The following ADCY2 variants were observed in gnomAD, a reference collection of about 807,000 sequenced individuals.
ADCY2 encodes adenylate cyclase type 2.
ADCY2 carries 31 observed loss-of-function variants against 125.2 expected under a neutral mutation model. The ratio of observed to expected loss-of-function variants is 0.25; its 90% CI spans 0.19 to 0.33. ADCY2 has a LOEUF of 0.33. Among genes scored for constraint, ADCY2 ranks in the 10% least tolerant of loss-of-function variants. ADCY2 has a pLI of 1.00. For synonymous variants in ADCY2, 512 were observed against 548.4 expected (o/e 0.93, Z 0.93); for missense variants, 904 against 1,418.2 (o/e 0.64, Z 5.82).
intron 15 of ADCY2, 83 bp from the exon 16 acceptor site, chr5:7,757,366 G>T: frequency 2.6e-6 from 4 of 1,521,920 alleles, no homozygotes; most frequent in Non-Finnish European, 3.6e-6. Context: ...GGTGCTTCTT[G>T]TGGTTGTAAA....
intron 4 of ADCY2, among the ~76,000 whole-genome samples, chr5:7,639,491 A>G (rs1738621040): frequency 6.6e-6 from 1 of 152,174 alleles, no homozygotes; most frequent in African/African-American, 2.4e-5. Context: ...ATTAGTTATT[A>G]TCAGTAGTCC....
chr5:7,505,095 G>A (rs1431564451), intron 2 of ADCY2, among the ~76,000 whole-genome samples: 1 of 151,862 alleles, frequency 6.6e-6, no homozygotes, highest in Non-Finnish European at 1.5e-5. Flanking sequence ...TATTACCCAG[G>A]CTGGTCTCGA....
chr5:7,440,484 A>G lies in ADCY2; in HGVS notation c.408+25714A>G, dbSNP rs867335246. On this transcript the variant is annotated intron_variant, in intron 2 of 24. Transcript: ENST00000338316. The stretch of plus-strand genomic sequence containing the variant: ...TTGAAACATGCATTTTTGCAGATGA[A>G]TGATTAACAGGACCTATTTTATCCT... Among the ~76,000 whole-genome samples the G allele has an allele frequency of 1.4e-4, 21 of 152,318 alleles. 1 individual carries two copies. The highest frequency in any genetic ancestry group is 3.4e-3 in the Middle Eastern group (1 of 294).
Position 7,506,789 on chromosome 5 carries a change from C to CTTTTTTTT in ADCY2, c.409-13927_409-13920dup, listed in dbSNP as rs70940743. On this transcript the variant is annotated intron_variant, in intron 2 of 24. Transcript: ENST00000338316. ...AGGGGTAAATGTGTGATGCGTTGCT[C>CTTTTTTTT]TTTTTTTTTTTTTTTTTTTTTTTTT... is the stretch of plus-strand genomic sequence containing the variant. Among the ~76,000 whole-genome samples the CTTTTTTTT allele has an allele frequency of 1.0e-3, 57 of 55,056 alleles. 12 individuals carry two copies. Among genetic ancestry groups the CTTTTTTTT allele is most frequent in the Non-Finnish European group, 1.4e-3 (42 of 30,658 alleles). 36.1% of individuals were successfully genotyped at this position (55,056 alleles called of 152,430 possible).
chr5:7,600,400 G>A (rs1737158453), intron 3 of ADCY2, among the ~76,000 whole-genome samples: 1 of 152,220 alleles, frequency 6.6e-6, no homozygotes, highest in South Asian at 2.1e-4. Context: ...TGTAATTGGA[G>A]CCATTGGCAA....
Position 7,820,680 on chromosome 5 carries a change from C to A in ADCY2, c.3114C>A (p.Asp1038Glu). Residue 1038 changes from aspartate (D) to glutamate (E), a missense_variant, in exon 24 of 25, where the codon GAC (aspartate) becomes GAA (glutamate). Coordinates refer to ENST00000338316, the MANE Select transcript of ADCY2 (RefSeq NM_020546.3). Reference protein sequence around the residue: ...ASRMDSTGVLDKIQVTEETSL... With the variant: ...ASRMDSTGVLEKIQVTEETSL... ...GGATGGACAGCACCGGAGTCCTGGA[C>A]AAAATACAGGTAATGCAGAGTGTGG... 6.2e-7 allele frequency: 1 copy of A among 1,613,478 alleles called. No individual in the cohort carries two copies. The highest frequency in any genetic ancestry group is 1.1e-5 in the South Asian group (1 of 91,060).
intron 3 of ADCY2, among the ~76,000 whole-genome samples, chr5:7,528,645 T>C (rs1734549200): frequency 6.6e-6 from 1 of 152,252 alleles, no homozygotes; most frequent in South Asian, 2.1e-4. Context: ...CTGTATTCTG[T>C]TTATTCTAAG....
At chr5:7,503,844 C>T (rs780361294) in intron 2 of ADCY2, among the ~76,000 whole-genome samples, 1 of 152,194 alleles carries the variant, frequency 6.6e-6, no homozygotes, top group Non-Finnish European at 1.5e-5. Context: ...AAGTCTTTAA[C>T]ATCATTTAAC....
intron 4 of ADCY2, among the ~76,000 whole-genome samples, chr5:7,683,561 G>A (rs1740409728): frequency 6.6e-6 from 1 of 152,088 alleles, no homozygotes; most frequent in Non-Finnish European, 1.5e-5. Flanking sequence ...GGAAAGGAAA[G>A]CATGATGAGG....
At chr5:7,582,184 C>A (rs1736459947) in intron 3 of ADCY2, among the ~76,000 whole-genome samples, 1 of 152,084 alleles carries the variant, frequency 6.6e-6, no homozygotes, top group South Asian at 2.1e-4. Flanking sequence ...ACAATAATAT[C>A]ATTCTGCATT....
At chr5:7,534,137 GC>G (rs944139573) in intron 3 of ADCY2, among the ~76,000 whole-genome samples, 49 of 152,270 alleles carry the variant, frequency 3.2e-4, no homozygotes, top group Admixed American at 1.3e-3. Context: ...CTCTGGGCAG[GC>G]CCCTCACTTT....
chr5:7,455,581 TA>T (rs1284840926), intron 2 of ADCY2, among the ~76,000 whole-genome samples: 2 of 149,610 alleles, frequency 1.3e-5, no homozygotes, highest in African/African-American at 2.4e-5. Context: ...TATAATAACA[TA>T]AAAATGTACA....
At chr5:7,601,831 C>G (rs895973803) in intron 3 of ADCY2, among the ~76,000 whole-genome samples, 4 of 152,196 alleles carry the variant, frequency 2.6e-5, no homozygotes, top group African/African-American at 9.7e-5. Flanking sequence ...AGTATTCATT[C>G]CCTAGGGCTG....
intron 3 of ADCY2, among the ~76,000 whole-genome samples, chr5:7,526,734 C>T (rs10068942): frequency 0.45 from 68,763 of 151,932 alleles, 17,048 homozygotes; most frequent in South Asian, 0.57. Context: ...ATACTGTTCT[C>T]TGCAAGTTTT....
chr5:7,697,521 C>T (rs1430215587), intron 6 of ADCY2, among the ~76,000 whole-genome samples: 1 of 152,102 alleles, frequency 6.6e-6, no homozygotes, highest in African/African-American at 2.4e-5. Flanking sequence ...GTTTTCTAGT[C>T]TCAGAATAGC....
intron 16 of ADCY2, among the ~76,000 whole-genome samples, chr5:7,763,098 A>ATT (rs529281644): frequency 1.5e-4 from 22 of 143,224 alleles, no homozygotes; most frequent in African/African-American, 5.6e-4. Context: ...TTTCTAATGT[A>ATT]TTTTTTTTTT....
At chr5:7,428,923 A>C (rs1346516295) in intron 2 of ADCY2, among the ~76,000 whole-genome samples, 1 of 152,186 alleles carries the variant, frequency 6.6e-6, no homozygotes, top group Non-Finnish European at 1.5e-5. Context: ...AGCTAATTGC[A>C]CTGAGTTGAG....
At chr5:7,818,392 T>C (rs1398837609) in intron 23 of ADCY2, among the ~76,000 whole-genome samples, 2 of 151,308 alleles carry the variant, frequency 1.3e-5, no homozygotes, top group African/African-American at 4.9e-5. Flanking sequence ...AGTCTTGCTC[T>C]GTCACCCAGG....
intron 3 of ADCY2, among the ~76,000 whole-genome samples, chr5:7,557,767 G>A (rs10074222): frequency 0.33 from 49,690 of 151,940 alleles, 8,859 homozygotes; most frequent in Non-Finnish European, 0.4. Context: ...TCTACCACTG[G>A]TGGGCGTTTA....
Sources: gnomAD v4.1 joint callset for allele counts (sites outside exome capture counted in the v4.1 genomes callset) on GRCh38, gnomAD v4.1.1 for gene constraint, MANE v1.5 for transcripts, NCBI Gene and HGNC (gene_info 2026-07-23, HGNC 2026-07-21) for gene names.